The following NPAS3 variants were observed in gnomAD, a reference collection of about 807,000 sequenced individuals.
NPAS3 encodes the protein neuronal PAS domain-containing protein 3.
A neutral mutation model predicts 73.1 loss-of-function variants in NPAS3; 14 were observed. The ratio of observed to expected loss-of-function variants is 0.19; its 90% CI spans 0.13 to 0.30. The LOEUF (loss-of-function observed/expected upper bound fraction) is 0.30. Ranked by LOEUF, NPAS3 falls within the 10% of genes least tolerant of loss-of-function variation. The pLI is 1.00. For synonymous variants in NPAS3, 620 were observed against 541.5 expected, an observed-to-expected ratio of 1.14 and a Z score of -2.01; for missense variants, 1,096 against 1,250.0, an observed-to-expected ratio of 0.88 and a Z score of 1.86.
At chr14:33,415,919 T>C (rs548924353) in intron 4 of NPAS3, among the ~76,000 whole-genome samples, 1 of 152,252 alleles carries the variant, frequency 6.6e-6, no homozygotes, top group South Asian at 2.1e-4. Flanking sequence ...TGTTGTTACC[T>C]ATAGTTAAGA....
chr14:32,939,070 T>A (rs1412077654), upstream of NPAS3, among the ~76,000 whole-genome samples: 2 of 142,938 alleles, frequency 1.4e-5, no homozygotes, highest in Non-Finnish European at 3.1e-5. Flanking sequence ...CCCGCGAGGC[T>A]CCGGCCCCAC....
At chr14:33,500,783 A>G (rs1387862194) in intron 4 of NPAS3, among the ~76,000 whole-genome samples, 1 of 151,928 alleles carries the variant, frequency 6.6e-6, no homozygotes, top group African/African-American at 2.4e-5. Flanking sequence ...TTGGTAGAAT[A>G]TGATCTCCAA....
intron 4 of NPAS3, among the ~76,000 whole-genome samples, chr14:33,511,646 C>T (rs2140015726): frequency 6.6e-6 from 1 of 152,136 alleles, no homozygotes; most frequent in East Asian, 1.9e-4. Flanking sequence ...TTAAAATAAA[C>T]AGAATCCTGC....
At chr14:33,278,234 T>C (rs1360066696) in intron 3 of NPAS3, among the ~76,000 whole-genome samples, 3 of 152,108 alleles carry the variant, frequency 2.0e-5, no homozygotes, top group Non-Finnish European at 2.9e-5. Context: ...GGAGATGTCA[T>C]GTCAATACAA....
intron 4 of NPAS3, among the ~76,000 whole-genome samples, chr14:33,547,982 C>A (rs969320013): frequency 2.0e-5 from 3 of 152,202 alleles, no homozygotes; most frequent in Admixed American, 2.0e-4. Flanking sequence ...ACTAAGATAA[C>A]TACTACTGTA....
chr14:33,474,417 C>T (rs1386748757), intron 4 of NPAS3, among the ~76,000 whole-genome samples: 3 of 151,802 alleles, frequency 2.0e-5, no homozygotes, highest in Non-Finnish European at 4.4e-5. Context: ...TACAAACATA[C>T]AAAACATATG....
intron 4 of NPAS3, among the ~76,000 whole-genome samples, chr14:33,502,453 C>T (rs377141511): frequency 6.6e-6 from 1 of 151,896 alleles, no homozygotes; most frequent in East Asian, 1.9e-4. Flanking sequence ...CCTGTCCTGA[C>T]CCGACTTCTG....
chr14:33,791,038 T>A (rs2063344399), intron 9 of NPAS3, among the ~76,000 whole-genome samples: 1 of 152,232 alleles, frequency 6.6e-6, no homozygotes, highest in African/African-American at 2.4e-5. Context: ...TTATCTAGAT[T>A]CCCACTGGCG....
At chr14:33,652,766 C>T (rs1186400789) in intron 5 of NPAS3, among the ~76,000 whole-genome samples, 2 of 152,222 alleles carry the variant, frequency 1.3e-5, no homozygotes, top group African/African-American at 4.8e-5. Flanking sequence ...TCAAATTGGA[C>T]TTAAGCAGAC....
At chr14:33,545,797 A>G (rs1283018994) in intron 4 of NPAS3, among the ~76,000 whole-genome samples, 1 of 152,218 alleles carries the variant, frequency 6.6e-6, no homozygotes, top group Non-Finnish European at 1.5e-5. Flanking sequence ...GAAGAAAACT[A>G]GAGGGTGCGG....
chr14:33,439,173 A>T (rs939913706), intron 4 of NPAS3, among the ~76,000 whole-genome samples: 1 of 152,174 alleles, frequency 6.6e-6, no homozygotes, highest in Admixed American at 6.5e-5. Context: ...TGTGAAGTAA[A>T]TAGGACATTT....
chr14:33,228,412 C>G (rs1302192293), intron 3 of NPAS3, among the ~76,000 whole-genome samples: 1 of 151,804 alleles, frequency 6.6e-6, no homozygotes, highest in Non-Finnish European at 1.5e-5. Context: ...GATAGGAAAA[C>G]AAAAAAATTC....
chr14:33,308,510 T>TTTTATATATA (rs374327824), intron 3 of NPAS3, among the ~76,000 whole-genome samples: 2 of 83,538 alleles, frequency 2.4e-5, no homozygotes, highest in African/African-American at 1.2e-4. Context: ...ATTGCATAGT[T>TTTTATATATA]TATATATATA....
chr14:33,520,333 C>T (rs1282296154), intron 4 of NPAS3, among the ~76,000 whole-genome samples: 1 of 152,030 alleles, frequency 6.6e-6, no homozygotes, highest in Non-Finnish European at 1.5e-5. Context: ...GAAATAGGGT[C>T]TATTAATCTC....
intron 1 of NPAS3, among the ~76,000 whole-genome samples, chr14:32,986,556 T>A (rs2038109734): frequency 6.6e-6 from 1 of 152,214 alleles, no homozygotes; most frequent in South Asian, 2.1e-4. Context: ...ATGTCAAGTA[T>A]GTTTTAAAAT....
exon 11 of NPAS3, chr14:33,797,491 G>A (rs777448175): frequency 3.5e-5 from 56 of 1,614,028 alleles, no homozygotes; most frequent in East Asian, 2.9e-4. Flanking sequence ...CATGGACATC[G>A]CACAGCTCCC....
At chr14:33,223,859 T>G (rs935756559) in intron 3 of NPAS3, among the ~76,000 whole-genome samples, 5 of 152,080 alleles carry the variant, frequency 3.3e-5, no homozygotes, top group Non-Finnish European at 7.4e-5. Context: ...TTTTTTTTGT[T>G]TGTATTTTCA....
At chr14:33,582,425 A>G (rs2056701441) in intron 5 of NPAS3, among the ~76,000 whole-genome samples, 1 of 152,224 alleles carries the variant, frequency 6.6e-6, no homozygotes, top group Non-Finnish European at 1.5e-5. Flanking sequence ...ATGTTGCTGT[A>G]GAATTTGCAC....
intron 4 of NPAS3, among the ~76,000 whole-genome samples, chr14:33,461,392 C>T (rs1412774364): frequency 6.6e-6 from 1 of 152,068 alleles, no homozygotes; most frequent in East Asian, 1.9e-4. Context: ...TAGTTTTATC[C>T]TGGTGTTTTT....
Sources: allele counts gnomAD v4.1 joint callset (sites outside exome capture counted in the v4.1 genomes callset), GRCh38; gene constraint gnomAD v4.1.1; transcripts MANE v1.5; gene names NCBI Gene and HGNC (gene_info 2026-07-23, HGNC 2026-07-21).